Variants in PRKCE observed in about 807,000 individuals in gnomAD.
PRKCE encodes the protein protein kinase C epsilon, also known as protein kinase C epsilon type.
In PRKCE, 16 loss-of-function variants were observed where a neutral mutation model predicts 85.4. The ratio of observed to expected loss-of-function variants is 0.19; its 90% CI spans 0.13 to 0.28. The LOEUF is 0.28. Among genes scored for constraint, PRKCE ranks in the 10% least tolerant of loss-of-function variants. The pLI is 1.00. For synonymous variants in PRKCE, 388 were observed against 371.5 expected, an observed-to-expected ratio of 1.04 and a Z score of -0.51; for missense variants, 573 against 975.2, an observed-to-expected ratio of 0.59 and a Z score of 5.49.
At chr2:46,029,721 G>C (rs1020505849) in intron 10 of PRKCE, among the ~76,000 whole-genome samples, 6 of 150,434 alleles carry the variant, frequency 4.0e-5, no homozygotes, top group African/African-American at 1.2e-4. Flanking sequence ...TTCATACAAT[G>C]CTGGCTGACT....
At chr2:46,036,709 A>G (rs868562197) in intron 10 of PRKCE, among the ~76,000 whole-genome samples, 4 of 152,122 alleles carry the variant, frequency 2.6e-5, no homozygotes, top group South Asian at 2.1e-4. Context: ...TGGGGTGGTC[A>G]AGGAAGGCCT....
chr2:46,022,577 C>T (rs56198096), intron 10 of PRKCE, among the ~76,000 whole-genome samples: 4,227 of 152,328 alleles, frequency 0.028, 190 homozygotes, highest in African/African-American at 0.095. Context: ...AAGCTCAATT[C>T]AGCAAATGCT....
intron 2 of PRKCE, among the ~76,000 whole-genome samples, chr2:45,951,879 C>G (rs756338471): frequency 1.3e-5 from 2 of 152,226 alleles, no homozygotes; most frequent in Non-Finnish European, 2.9e-5. Context: ...GTCGCCCAGG[C>G]TGGAGCACAG....
At chr2:45,942,119 A>G (rs1172037609) in intron 2 of PRKCE, among the ~76,000 whole-genome samples, 3 of 152,204 alleles carry the variant, frequency 2.0e-5, no homozygotes, top group Non-Finnish European at 2.9e-5. Context: ...TTGCTTAGAG[A>G]TGTATGGGAG....
At chr2:45,836,220 C>T (rs1690864962) in intron 1 of PRKCE, among the ~76,000 whole-genome samples, 1 of 152,236 alleles carries the variant, frequency 6.6e-6, no homozygotes, top group Admixed American at 6.5e-5. Flanking sequence ...CTGAAGCCTG[C>T]ATGTCTTTGC....
intron 1 of PRKCE, among the ~76,000 whole-genome samples, chr2:45,792,987 C>T (rs1241225768): frequency 5.3e-5 from 8 of 152,222 alleles, no homozygotes; most frequent in East Asian, 1.9e-4. Context: ...TTAGTAGAGA[C>T]GGGGTTTCAC....
At chr2:45,906,300 A>G (rs771505231) in intron 2 of PRKCE, among the ~76,000 whole-genome samples, 15 of 152,232 alleles carry the variant, frequency 9.9e-5, no homozygotes, top group Non-Finnish European at 1.6e-4. Context: ...GCTTGGGGCA[A>G]GACATTGCCA....
At chr2:45,910,431 C>G (rs139673489) in intron 2 of PRKCE, among the ~76,000 whole-genome samples, 42 of 152,316 alleles carry the variant, frequency 2.8e-4, no homozygotes, top group African/African-American at 1.0e-3. Flanking sequence ...CATGTTTTCT[C>G]TAGCCTAGTA....
chr2:46,051,854 C>T (rs539788197), intron 10 of PRKCE, among the ~76,000 whole-genome samples: 5 of 152,224 alleles, frequency 3.3e-5, no homozygotes, highest in African/African-American at 9.6e-5. Context: ...ACAATCATGG[C>T]GGAAGGCACC....
chr2:45,997,329 T>A (rs1558937943), intron 6 of PRKCE, among the ~76,000 whole-genome samples: 2 of 152,052 alleles, frequency 1.3e-5, no homozygotes, highest in Non-Finnish European at 2.9e-5. Context: ...TTGCTCTAAT[T>A]CTTATTATTT....
intron 2 of PRKCE, among the ~76,000 whole-genome samples, chr2:45,943,978 T>G (rs2711299): frequency 6.6e-6 from 1 of 152,094 alleles, no homozygotes; most frequent in African/African-American, 2.4e-5. Flanking sequence ...AACTGAGGCA[T>G]TGAGCTGTGA....
chr2:46,140,696 T>G (rs1029857609), intron 11 of PRKCE, among the ~76,000 whole-genome samples: 1 of 152,122 alleles, frequency 6.6e-6, no homozygotes, highest in Non-Finnish European at 1.5e-5. Flanking sequence ...ATAAATAATA[T>G]TGGCATGACA....
intron 2 of PRKCE, among the ~76,000 whole-genome samples, chr2:45,843,314 C>A (rs544944566): frequency 2.6e-5 from 4 of 152,196 alleles, no homozygotes; most frequent in Admixed American, 2.0e-4. Context: ...CGTTTTTGCA[C>A]GCTGTGTGCA....
chr2:45,873,126 C>T (rs1174979334), intron 2 of PRKCE, among the ~76,000 whole-genome samples: 4 of 152,182 alleles, frequency 2.6e-5, no homozygotes, highest in Non-Finnish European at 5.9e-5. Flanking sequence ...CGATGGCTCT[C>T]ACATATACAC....
chr2:45,996,835 C>T (rs1704261776), intron 6 of PRKCE, among the ~76,000 whole-genome samples: 1 of 151,990 alleles, frequency 6.6e-6, no homozygotes, highest in Non-Finnish European at 1.5e-5. Context: ...GTAATGGTGG[C>T]CTCCTAAAAT....
At chr2:45,998,477 T>G (rs1367868871) in intron 6 of PRKCE, among the ~76,000 whole-genome samples, 7 of 152,202 alleles carry the variant, frequency 4.6e-5, no homozygotes, top group Non-Finnish European at 1.0e-4. Context: ...GCTTTTCTGC[T>G]TTTTTGGGTT....
intron 2 of PRKCE, among the ~76,000 whole-genome samples, chr2:45,932,788 C>G (rs762398687): frequency 1.3e-5 from 2 of 152,212 alleles, no homozygotes; most frequent in African/African-American, 2.4e-5. Context: ...CACTAACTCT[C>G]TACTCCCCCC....
At chr2:46,114,500 C>T (rs1672575056) in intron 11 of PRKCE, among the ~76,000 whole-genome samples, 1 of 146,904 alleles carries the variant, frequency 6.8e-6, no homozygotes, top group African/African-American at 2.6e-5. Flanking sequence ...TCACTGCAAG[C>T]TCCACCTCCC....
At chr2:46,106,128 A>G (rs989324390) in intron 11 of PRKCE, among the ~76,000 whole-genome samples, 16 of 152,138 alleles carry the variant, frequency 1.1e-4, no homozygotes, top group African/African-American at 3.4e-4. Flanking sequence ...TTTTTCCAAT[A>G]TATTTATTGA....
Sources: gnomAD v4.1 joint callset for allele counts (sites outside exome capture counted in the v4.1 genomes callset) on GRCh38, gnomAD v4.1.1 for gene constraint, MANE v1.5 for transcripts, NCBI Gene and HGNC (gene_info 2026-07-23, HGNC 2026-07-21) for gene names.